DDX60L: variants seen among roughly 807,000 people sequenced by gnomAD.
The protein encoded by DDX60L is probable ATP-dependent RNA helicase DDX60-like.
In DDX60L, 191 loss-of-function variants were observed where a neutral mutation model predicts 211.6. That is an observed-to-expected ratio of 0.90 (90% CI 0.80 to 1.02). DDX60L has a LOEUF of 1.02. Ranked by LOEUF, DDX60L falls within the 50% of genes least tolerant of loss-of-function variation. The pLI is 0.00. For missense variants in DDX60L, 2,007 were observed against 1,984.1 expected (o/e 1.01, Z -0.22); for synonymous variants, 706 against 694.1 (o/e 1.02, Z -0.27).
intron 14 of DDX60L, among the ~76,000 whole-genome samples, chr4:168,426,777 T>C (rs897234725): frequency 3.3e-5 from 5 of 152,186 alleles, no homozygotes; most frequent in African/African-American, 1.2e-4. Context: ...TCACCTTGCT[T>C]TGCTGATCCC....
rs185721610 is a variant in DDX60L, at chr4:168,473,970, G to A, written c.-110-1161C>T. Among the ~76,000 whole-genome samples, 28 of 152,288 alleles carry A rather than the reference G, an allele frequency of 1.8e-4. 1 individual carries two copies. In the South Asian group the frequency reaches 5.0e-3, roughly 27 times the overall value. On this transcript the variant is annotated intron_variant, in intron 1 of 37. Transcript: ENST00000682922. The stretch of plus-strand genomic sequence containing the variant: ...CTCTGTGAAACTGAAGGGACAGAAA[G>A]CAGAATGCATTTATTCAACAACTAT...
intron 30 of DDX60L, chr4:168,380,304 C>A (rs903853248): frequency 1.3e-5 from 2 of 152,820 alleles, no homozygotes; most frequent in African/African-American, 4.8e-5. Flanking sequence ...AAATTGTAAT[C>A]CCCAGTGTTG....
At chr4:168,387,119 A>G (rs144833734) in intron 29 of DDX60L, among the ~76,000 whole-genome samples, 3 of 152,266 alleles carry the variant, frequency 2.0e-5, no homozygotes, top group Non-Finnish European at 4.4e-5. Context: ...GACAGAATGG[A>G]CTCCTGTGGC....
intron 9 of DDX60L, among the ~76,000 whole-genome samples, chr4:168,443,248 G>A (rs374962060): frequency 7.9e-5 from 12 of 152,226 alleles, no homozygotes; most frequent in South Asian, 4.1e-4. Flanking sequence ...CTCAGGAGCC[G>A]ATGCGATCAA....
chr4:168,450,021 G>C (rs1293051378), intron 8 of DDX60L, among the ~76,000 whole-genome samples: 2 of 152,118 alleles, frequency 1.3e-5, no homozygotes, highest in Non-Finnish European at 2.9e-5. Context: ...GATGATAACA[G>C]CCCTTTCTCA....
chr4:168,409,563 G>A (rs1246545178), intron 22 of DDX60L, among the ~76,000 whole-genome samples: 1 of 152,106 alleles, frequency 6.6e-6, no homozygotes, highest in Non-Finnish European at 1.5e-5. Context: ...AAATAGGGAG[G>A]GATAGGGACA....
At position 168,378,475 on chromosome 4, in the gene DDX60L, C is replaced by T; in HGVS notation, c.4364G>A (p.Gly1455Asp). 3 of 1,553,638 alleles carry T rather than the reference C, an allele frequency of 1.9e-6. No individual in the cohort carries two copies. Among genetic ancestry groups the T allele is most frequent in the Non-Finnish European group, 2.6e-6 (3 of 1,148,074 alleles). ...FHNLCKPAWK[G>D]SQQFSQDVME... ...CACATCTTGGGAAAATTGTTGTGAG[C>T]CTATTGAAATAAAGAGCATTATTAT... Residue 1455 changes from glycine to aspartate, a missense_variant and splice_region_variant, in exon 33 of 38, where the codon GGC becomes GAC. Transcript: ENST00000682922.
At chr4:168,478,640 T>C (rs770480676) in intron 1 of DDX60L, among the ~76,000 whole-genome samples, 3 of 152,182 alleles carry the variant, frequency 2.0e-5, no homozygotes, top group Non-Finnish European at 2.9e-5. Context: ...ATAATTAACA[T>C]GGGTATTTTA....
In DDX60L at chr4:168,388,854, T is replaced by G. The variant is rs150150729; in HGVS notation, c.3915+2686A>C. Among the ~76,000 whole-genome samples the G allele has an allele frequency of 8.1e-4, 124 of 152,192 alleles. No individual in the cohort carries two copies. The East Asian group carries it at 0.022, about 27-fold the overall frequency. On this transcript the variant is annotated intron_variant, in intron 29 of 37. Coordinates refer to ENST00000682922, the MANE Select transcript of DDX60L (RefSeq NM_001012967.3). ...GGTTTGAATGTAGGCAGAATCAAGG[T>G]AATGCTGACATGGTGGTGAAGAGGC...
At chr4:168,477,328 T>C (rs1406574845) in intron 1 of DDX60L, among the ~76,000 whole-genome samples, 2 of 151,246 alleles carry the variant, frequency 1.3e-5, no homozygotes, top group East Asian at 3.9e-4. Context: ...GGCAGGAGAA[T>C]GGCATAAACC....
At chr4:168,369,074 G>A (rs1418201008) in intron 36 of DDX60L, among the ~76,000 whole-genome samples, 2 of 152,174 alleles carry the variant, frequency 1.3e-5, no homozygotes, top group Non-Finnish European at 2.9e-5. Context: ...GGCATGATTG[G>A]TTTTGAAATG....
At chr4:168,388,033 A>T (rs1258943252) in intron 29 of DDX60L, among the ~76,000 whole-genome samples, 1 of 152,198 alleles carries the variant, frequency 6.6e-6, no homozygotes, top group African/African-American at 2.4e-5. Context: ...CCTGGCATAG[A>T]TGGACGCACA....
intron 4 of DDX60L, among the ~76,000 whole-genome samples, chr4:168,468,386 G>A: frequency 6.6e-6 from 1 of 151,958 alleles, no homozygotes. Flanking sequence ...AGTAAAAGAG[G>A]AAAGGTGTAT....
Position 168,379,773 on chromosome 4 carries a change from T to A in DDX60L, c.4174A>T (p.Thr1392Ser). Residue 1392 changes from threonine (T) to serine (S), a missense_variant, in exon 31 of 38, where the codon ACT (threonine) becomes TCT (serine). Transcript: ENST00000682922. ...GAAAACAAAAAGTAAAGTTTCAAAG[T>A]CTCCATGGCTCTTCGTCTCTTAAAA... Reference protein sequence around the residue: ...LSFKRRRAMETLKLYFLFSLQ... With the variant: ...LSFKRRRAMESLKLYFLFSLQ... 6.2e-7 allele frequency: 1 copy of A among 1,613,240 alleles called. No homozygotes were observed. The highest frequency in any genetic ancestry group is 8.5e-7 in the Non-Finnish European group (1 of 1,179,514).
chr4:168,364,118 T>C (rs1269688699), intron 36 of DDX60L, among the ~76,000 whole-genome samples: 1 of 150,216 alleles, frequency 6.7e-6, no homozygotes, highest in Non-Finnish European at 1.5e-5. Context: ...AGACTCCATC[T>C]CTTAAAAAAA....
At chr4:168,388,292 A>C (rs1228318322) in intron 29 of DDX60L, among the ~76,000 whole-genome samples, 1 of 152,220 alleles carries the variant, frequency 6.6e-6, no homozygotes, top group Non-Finnish European at 1.5e-5. Context: ...GGAAAGAAGG[A>C]AAAGTCTCTA....
At chr4:168,431,583 A>C (rs555733383) in intron 12 of DDX60L, among the ~76,000 whole-genome samples, 1 of 149,792 alleles carries the variant, frequency 6.7e-6, no homozygotes, top group Non-Finnish European at 1.5e-5. Flanking sequence ...GGATAGCATT[A>C]AGAGATATAC....
intron 26 of DDX60L, among the ~76,000 whole-genome samples, chr4:168,396,852 T>C (rs1327230054): frequency 1.3e-5 from 2 of 152,112 alleles, no homozygotes; most frequent in African/African-American, 2.4e-5. Context: ...CCCTAGTCTT[T>C]AGGCAACGTC....
intron 13 of DDX60L, among the ~76,000 whole-genome samples, chr4:168,428,096 C>G (rs531865609): frequency 1.1e-4 from 16 of 152,334 alleles, no homozygotes; most frequent in Admixed American, 2.6e-4. Flanking sequence ...ACAAAGGCTG[C>G]AGAAGATGGT....
Sources: allele counts gnomAD v4.1 joint callset (sites outside exome capture counted in the v4.1 genomes callset), GRCh38; gene constraint gnomAD v4.1.1; transcripts MANE v1.5; gene names NCBI Gene and HGNC (gene_info 2026-07-23, HGNC 2026-07-21).